ATF7IP2: variants seen among roughly 807,000 people sequenced by gnomAD.
ATF7IP2 encodes the protein activating transcription factor 7 interacting protein 2.
In ATF7IP2, 42 loss-of-function variants were observed where a neutral mutation model predicts 64.2. The ratio of observed to expected loss-of-function variants is 0.65; its 90% CI spans 0.51 to 0.85. The LOEUF is 0.85. Among genes scored for constraint, ATF7IP2 ranks in the 40% least tolerant of loss-of-function variants. ATF7IP2 has a pLI of 0.00. For missense variants in ATF7IP2, 933 were observed against 784.2 expected, an observed-to-expected ratio of 1.19 and a Z score of -2.27; for synonymous variants, 308 against 272.8, an observed-to-expected ratio of 1.13 and a Z score of -1.27.
intron 3 of ATF7IP2, 122 bp from the exon 4 acceptor site, chr16:10,428,746 A>AT (rs1346027642): frequency 5.3e-5 from 8 of 152,226 alleles, no homozygotes; most frequent in African/African-American, 1.9e-4. Context: ...GATGTTTAAA[A>AT]TTTTAAGTGT....
At chr16:10,409,989 G>A (rs914069923) in intron 1 of ATF7IP2, among the ~76,000 whole-genome samples, 2 of 152,166 alleles carry the variant, frequency 1.3e-5, no homozygotes, top group Admixed American at 1.3e-4. Flanking sequence ...TTATAATGTA[G>A]TTTGAAGTCA....
chr16:10,429,392 C>A (rs915639494), intron 4 of ATF7IP2, among the ~76,000 whole-genome samples: 5 of 152,246 alleles, frequency 3.3e-5, no homozygotes, highest in African/African-American at 1.2e-4. Flanking sequence ...GCTCTGTCAT[C>A]CAGGCTGGAG....
At chr16:10,467,781 G>C (rs749976599) in intron 9 of ATF7IP2, among the ~76,000 whole-genome samples, 1 of 151,696 alleles carries the variant, frequency 6.6e-6, no homozygotes, top group South Asian at 2.1e-4. Flanking sequence ...TCAAACTCCT[G>C]ACCTCAGGTG....
At chr16:10,400,278 T>C (rs867766801) in intron 1 of ATF7IP2, among the ~76,000 whole-genome samples, 1 of 152,202 alleles carries the variant, frequency 6.6e-6, no homozygotes, top group African/African-American at 2.4e-5. Context: ...TGACCTCAGG[T>C]AATTTACCTG....
At position 10,480,037 on chromosome 16, in the gene ATF7IP2, A is replaced by G. The variant is rs1175667861; in HGVS notation, c.1550-842A>G. Among the ~76,000 whole-genome samples the G allele has an allele frequency of 1.1e-4, 14 of 126,524 alleles. No homozygotes were observed. In the Admixed American group the frequency reaches 1.4e-3, roughly 13 times the overall value. 83.0% of individuals were successfully genotyped at this position (126,524 alleles called of 152,430 possible). On this transcript the variant is annotated intron_variant, in intron 12 of 13. Coordinates refer to ENST00000562102, the MANE Select transcript of ATF7IP2 (RefSeq NM_001393719.1). ...TGTTCTGCCCTCTGTCACCCAGGCT[A>G]GAATGCAGTGGCTTGATCTTGGCTC...
chr16:10,427,274 A>G (rs1404390824), intron 3 of ATF7IP2, among the ~76,000 whole-genome samples: 1 of 152,248 alleles, frequency 6.6e-6, no homozygotes, highest in Non-Finnish European at 1.5e-5. Flanking sequence ...GCTAATAAAC[A>G]TAGGAAAAGA....
chr16:10,443,594 G>GT lies in ATF7IP2; in HGVS notation c.1194+3136dup, dbSNP rs1370641197. Among the ~76,000 whole-genome samples, 7 of 152,194 alleles carry GT rather than the reference G, an allele frequency of 4.6e-5. No individual in the cohort carries two copies. The East Asian group carries it at 5.8e-4, about 13-fold the overall frequency. ...TATCCAGTCTCAATTGCTAAAGTCTGTTTTAAATCTTTTACTTTTACAATA... is the reference window on the plus strand; with the variant it reads ...TATCCAGTCTCAATTGCTAAAGTCTGTTTTTAAATCTTTTACTTTTACAATA... On this transcript the variant is annotated intron_variant, in intron 8 of 13. Transcript: ENST00000562102.
intron 12 of ATF7IP2, among the ~76,000 whole-genome samples, chr16:10,479,461 T>G (rs2050135245): frequency 6.6e-6 from 1 of 151,602 alleles, no homozygotes; most frequent in Non-Finnish European, 1.5e-5. Context: ...TGAGAACACA[T>G]GGACACAGGA....
chr16:10,393,233 C>G (rs762697240), intron 1 of ATF7IP2, among the ~76,000 whole-genome samples: 2 of 147,078 alleles, frequency 1.4e-5, no homozygotes, highest in Non-Finnish European at 3.0e-5. Context: ...TTGCTTGAAC[C>G]TGGGAGGCGG....
In ATF7IP2 at chr16:10,482,547, G is replaced by T; in HGVS notation, c.*298G>T. Reference sequence around the variant, plus strand: ...ACTGCTGCTTCTATCAGAAGACCTAGGATACAAGCAGCCACTGTTTCCTCC... The same window carrying T: ...ACTGCTGCTTCTATCAGAAGACCTATGATACAAGCAGCCACTGTTTCCTCC... On this transcript the variant is annotated 3_prime_UTR_variant, in exon 14 of 14. Transcript: ENST00000562102. 4.8e-6 allele frequency: 1 copy of T among 206,684 alleles called. No individual in the cohort carries two copies. Among genetic ancestry groups the T allele is most frequent in the Non-Finnish European group, 9.6e-6 (1 of 104,252 alleles). The allele number at this position is 206,684 out of a possible 1,614,324, so 12.8% of individuals were successfully genotyped here. A position where few individuals can be genotyped will look rare whatever the true frequency, so the allele number is the denominator to read the frequency against.
chr16:10,429,832 GTTTTA>G (rs1291258121), intron 4 of ATF7IP2, among the ~76,000 whole-genome samples: 5 of 123,210 alleles, frequency 4.1e-5, no homozygotes, highest in African/African-American at 1.5e-4. Context: ...TTTTTATTTT[GTTTTA>G]TTTTATTTTA....
rs144556475 is a variant in ATF7IP2, at chr16:10,407,742, C to T, written c.-241-6832C>T. On this transcript the variant is annotated intron_variant, in intron 1 of 13. Transcript: ENST00000562102. ...GTGAGATTTTGGTGCACCCATCACCCGAGCACTATACACTGAACCCAATTT... is the reference window on the plus strand; with the variant it reads ...GTGAGATTTTGGTGCACCCATCACCTGAGCACTATACACTGAACCCAATTT... Among the ~76,000 whole-genome samples, 524 of 152,154 alleles carry T rather than the reference C, an allele frequency of 3.4e-3. 1 individual carries two copies. Among genetic ancestry groups the T allele is most frequent in the African/African-American group, 0.012 (496 of 41,512 alleles).
intron 1 of ATF7IP2, among the ~76,000 whole-genome samples, chr16:10,399,281 A>G (rs948229027): frequency 6.6e-6 from 1 of 152,198 alleles, no homozygotes; most frequent in Admixed American, 6.5e-5. Flanking sequence ...ATTCAACACA[A>G]TCCTTATGAA....
intron 2 of ATF7IP2, among the ~76,000 whole-genome samples, chr16:10,418,396 A>T (rs2047921019): frequency 6.6e-6 from 1 of 152,132 alleles, no homozygotes; most frequent in South Asian, 2.1e-4. Context: ...TGATGGCCAG[A>T]TTTGGGGGCC....
At chr16:10,470,432 A>G (rs929705440) in intron 9 of ATF7IP2, among the ~76,000 whole-genome samples, 1 of 152,054 alleles carries the variant, frequency 6.6e-6, no homozygotes, top group Non-Finnish European at 1.5e-5. Flanking sequence ...ATGTTACTTC[A>G]CCCCAAATTG....
At chr16:10,400,125 C>G (rs962084563) in intron 1 of ATF7IP2, among the ~76,000 whole-genome samples, 20 of 152,316 alleles carry the variant, frequency 1.3e-4, no homozygotes, top group African/African-American at 4.6e-4. Context: ...ACTGCAACTT[C>G]CATCGCCCGG....
chr16:10,440,710 T>G (rs1352929743), intron 8 of ATF7IP2, among the ~76,000 whole-genome samples: 1 of 152,148 alleles, frequency 6.6e-6, no homozygotes, highest in Non-Finnish European at 1.5e-5. Flanking sequence ...CCACCCCCAT[T>G]TTATCATGAA....
At chr16:10,464,088 TAGTTATTGGTCTCTCA>T (rs2049469338) in intron 9 of ATF7IP2, among the ~76,000 whole-genome samples, 1 of 151,862 alleles carries the variant, frequency 6.6e-6, no homozygotes, top group African/African-American at 2.4e-5. Flanking sequence ...TTGGTCTCTC[TAGTTATTGGTCTCTCA>T]AGTTATGGCT....
In ATF7IP2 at chr16:10,482,336, C is replaced by T; in HGVS notation, c.*87C>T. ...TAATACTATTTGCCATTGTAAAAGG[C>T]CAGCTCAGATTGTGAGCCCTTTCTA... On this transcript the variant is annotated 3_prime_UTR_variant, in exon 14 of 14. Transcript: ENST00000562102. 3 of 1,039,958 alleles carry T rather than the reference C, an allele frequency of 2.9e-6. No individual in the cohort carries two copies. The highest frequency in any genetic ancestry group is 2.8e-6 in the Non-Finnish European group (2 of 719,132). The allele number at this position is 1,039,958 out of a possible 1,614,324, so 64.4% of individuals were successfully genotyped here. A position where few individuals can be genotyped will look rare whatever the true frequency, so the allele number is the denominator to read the frequency against.
Sources: allele counts gnomAD v4.1 joint callset (sites outside exome capture counted in the v4.1 genomes callset), GRCh38; gene constraint gnomAD v4.1.1; transcripts MANE v1.5; gene names NCBI Gene and HGNC (gene_info 2026-07-23, HGNC 2026-07-21).